C2orf92: variants seen among roughly 807,000 people sequenced by gnomAD.
C2orf92 encodes the protein uncharacterized protein C2orf92.
upstream of C2orf92, chr2:97,669,264 AG>A (rs1482134431): frequency 6.6e-6 from 1 of 151,904 alleles, no homozygotes; most frequent in Non-Finnish European, 1.5e-5. Context: ...TAATATAATA[AG>A]CAGCAACACT....
intron 4 of C2orf92, among the ~76,000 whole-genome samples, chr2:97,689,423 A>G (rs1281617648): frequency 6.6e-6 from 1 of 152,246 alleles, no homozygotes; most frequent in Non-Finnish European, 1.5e-5. Context: ...AGTGGATGAT[A>G]AAACAAGACC....
At chr2:97,676,511 T>C (rs1172221211) in intron 3 of C2orf92, among the ~76,000 whole-genome samples, 1 of 148,028 alleles carries the variant, frequency 6.8e-6, no homozygotes, top group Non-Finnish European at 1.5e-5. Flanking sequence ...ATGATCCCAG[T>C]GCTTTGGGAG....
intron 1 of C2orf92, chr2:97,670,037 T>G: frequency 1.0e-5 from 4 of 389,434 alleles, no homozygotes; most frequent in Non-Finnish European, 1.8e-5. Context: ...TGAAGCTTTC[T>G]CAAAATTCAG....
At chr2:97,692,721 T>A (rs1676178248) in intron 5 of C2orf92, among the ~76,000 whole-genome samples, 1 of 152,240 alleles carries the variant, frequency 6.6e-6, no homozygotes, top group Admixed American at 6.5e-5. Context: ...GTTTTACATC[T>A]TTACCTATTG....
At chr2:97,670,059 A>G (rs531980592) in intron 1 of C2orf92, 2 of 383,286 alleles carry the variant, frequency 5.2e-6, no homozygotes, top group Non-Finnish European at 9.2e-6. Context: ...GCTCTATAGG[A>G]GGGTGGCATA....
intron 3 of C2orf92, among the ~76,000 whole-genome samples, chr2:97,681,640 C>T (rs1171138694): frequency 1.3e-5 from 2 of 152,174 alleles, no homozygotes; most frequent in African/African-American, 4.8e-5. Context: ...GGGCGGATCA[C>T]GAGGTCAGGA....
upstream of C2orf92, chr2:97,663,995 T>TGCCC (rs1022959222): frequency 3.1e-6 from 2 of 639,254 alleles, no homozygotes; most frequent in African/African-American, 2.0e-5. Context: ...GCGGCGCCGC[T>TGCCC]GCCCTCCCTC....
At chr2:97,665,481 A>T (rs188810165), upstream of C2orf92, among the ~76,000 whole-genome samples, 33 of 152,204 alleles carry the variant, frequency 2.2e-4, no homozygotes, top group Middle Eastern at 0.027. Context: ...GTTTATTGAA[A>T]GCTACTCAGT....
chr2:97,699,324 G>A (rs1440991424), intron 6 of C2orf92, among the ~76,000 whole-genome samples, 188 bp downstream of exon 6: 3 of 152,154 alleles, frequency 2.0e-5, no homozygotes, highest in African/African-American at 7.2e-5. Flanking sequence ...GGCCGGGCAC[G>A]GTGGCTCACG....
chr2:97,671,328 TA>T (rs1438881879), intron 1 of C2orf92: 2 of 330,856 alleles, frequency 6.0e-6, no homozygotes, highest in Non-Finnish European at 1.1e-5. Flanking sequence ...TTATTTTTTG[TA>T]GAGTCGGGGG....
intron 3 of C2orf92, among the ~76,000 whole-genome samples, chr2:97,688,559 T>G (rs1046734306): frequency 6.6e-6 from 1 of 152,224 alleles, no homozygotes; most frequent in African/African-American, 2.4e-5. Context: ...CCTATTTTTA[T>G]GAGTCATCTT....
intron 1 of C2orf92, among the ~76,000 whole-genome samples, chr2:97,673,734 T>G (rs757828754): frequency 9.9e-5 from 15 of 152,064 alleles, no homozygotes; most frequent in African/African-American, 3.6e-4. Context: ...TCTAGATGGC[T>G]CGGGGAGGCA....
At chr2:97,677,324 G>A (rs1675615257) in intron 3 of C2orf92, 1 of 152,184 alleles carries the variant, frequency 6.6e-6, no homozygotes, top group African/African-American at 2.4e-5. Context: ...TTAAATGCCA[G>A]TTAAAAAACT....
In C2orf92 at chr2:97,702,928, C is replaced by T; in HGVS notation, c.*127C>T. 2.5e-6 allele frequency: 1 copy of T among 396,714 alleles called. No homozygotes were observed. Among genetic ancestry groups the T allele is most frequent in the Non-Finnish European group, 4.4e-6 (1 of 225,280 alleles). 24.6% of individuals were successfully genotyped at this position (396,714 alleles called of 1,614,324 possible). On this transcript the variant is annotated 3_prime_UTR_variant, in exon 8 of 8. Transcript: ENST00000627399. The stretch of plus-strand genomic sequence containing the variant: ...GTATTCTACAAAAACGTCTGCTTCC[C>T]ATCCCAATTTGAATGGACCAAGAAA...
intron 3 of C2orf92, among the ~76,000 whole-genome samples, chr2:97,686,820 G>C (rs1431380093): frequency 6.6e-6 from 1 of 151,766 alleles, no homozygotes; most frequent in African/African-American, 2.4e-5. Context: ...TTCAAGACCA[G>C]CCTGGCCAAC....
intron 1 of C2orf92, among the ~76,000 whole-genome samples, chr2:97,672,608 G>T (rs1453248880): frequency 6.6e-6 from 1 of 151,656 alleles, no homozygotes; most frequent in East Asian, 1.9e-4. Flanking sequence ...TCTGGTTGGG[G>T]GTTTGGGAAG....
intron 4 of C2orf92, among the ~76,000 whole-genome samples, chr2:97,689,293 G>T (rs1392718878): frequency 6.6e-6 from 1 of 152,168 alleles, no homozygotes; most frequent in Non-Finnish European, 1.5e-5. Context: ...TGCAAGTGGG[G>T]TTCCCCACTC....
At chr2:97,676,677 T>A (rs1409365862) in intron 3 of C2orf92, among the ~76,000 whole-genome samples, 1 of 150,562 alleles carries the variant, frequency 6.6e-6, no homozygotes, top group Non-Finnish European at 1.5e-5. Flanking sequence ...GAGGCTGAGG[T>A]GGGAGGATCT....
chr2:97,679,992 C>T (rs1290602806), intron 3 of C2orf92, among the ~76,000 whole-genome samples: 1 of 152,006 alleles, frequency 6.6e-6, no homozygotes, highest in African/African-American at 2.4e-5. Context: ...AAACACAACA[C>T]ACATATACAC....
Sources: gnomAD v4.1 joint callset for allele counts (sites outside exome capture counted in the v4.1 genomes callset) on GRCh38, gnomAD v4.1.1 for gene constraint, MANE v1.5 for transcripts, NCBI Gene and HGNC (gene_info 2026-07-23, HGNC 2026-07-21) for gene names.